RNF31: variants seen among roughly 807,000 people sequenced by gnomAD.
The protein encoded by RNF31 is ring finger protein 31.
A neutral mutation model predicts 133.6 loss-of-function variants in RNF31; 38 were observed. That is an observed-to-expected ratio of 0.28 (90% CI 0.22 to 0.37). The LOEUF is 0.37. Among genes scored for constraint, RNF31 ranks in the 10% least tolerant of loss-of-function variants. RNF31 has a pLI of 1.00. For synonymous variants in RNF31, 582 were observed against 552.3 expected (o/e 1.05, Z -0.75); for missense variants, 1,118 against 1,394.1 (o/e 0.80, Z 3.15).
At chr14:24,149,979 C>T (rs1302385274) in intron 6 of RNF31, 82 bp from the exon 7 acceptor site, 4 of 1,475,006 alleles carry the variant, frequency 2.7e-6, no homozygotes, top group Non-Finnish European at 3.6e-6. Context: ...AGTTGTTACC[C>T]AGGAAATGGA....
rs759265396 is a variant in RNF31, at chr14:24,160,280, A to G, written c.3038A>G (p.His1013Arg). The change falls in exon 20 of 21, where the codon CAC becomes CGC. Residue 1013 changes from histidine (H) to arginine (R), a missense_variant. Transcript: ENST00000324103. The surrounding 1 kb of genome is among the most constrained non-coding windows in gnomAD (Gnocchi z 4.0). ...KEYLVSLINA[H>R]SLDPATLYEV... ...TATCTTGTGAGCCTCATCAATGCCC[A>G]CTCGCTGGACCCAGCCACCTTGTAT... 1 of 1,613,906 alleles carries G rather than the reference A, an allele frequency of 6.2e-7. No homozygotes were observed. Among genetic ancestry groups the G allele is most frequent in the East Asian group, 2.2e-5 (1 of 44,896 alleles).
chr14:24,151,307 G>T lies in RNF31; in HGVS notation c.1665G>T (p.Arg555=). The T allele has an allele frequency of 6.2e-7, 1 of 1,614,250 alleles. No homozygotes were observed. The highest frequency in any genetic ancestry group is 8.5e-7 in the Non-Finnish European group (1 of 1,180,040). Residue 555 remains arginine, a synonymous_variant, in exon 9 of 21, where the codon CGG becomes CGT. Coordinates refer to ENST00000324103, the MANE Select transcript of RNF31 (RefSeq NM_017999.5). The surrounding 1 kb of genome is among the most constrained non-coding windows in gnomAD (Gnocchi z 5.3). ...GLGAFSCQEA[R]RAWLDRHGNL... is the part of the protein sequence containing the mutation. ...GTGCCTTTTCCTGTCAGGAGGCCCG[G>T]AGAGCCTGGCTGGATCGTCATGGCA...
In RNF31 at chr14:24,151,412, A is replaced by T. The variant is rs1340464441; in HGVS notation, c.1737+33A>T. ...CTGTGCTGGATATGGGATAGGGTCG[A>T]GAGTCTGCATCTCTCACACTCTCCC... On this transcript the variant is annotated intron_variant, in intron 9 of 20. Transcript: ENST00000324103. The surrounding 1 kb of genome is among the most constrained non-coding windows in gnomAD (Gnocchi z 5.3). The T allele has an allele frequency of 3.1e-6, 5 of 1,613,416 alleles. No individual in the cohort carries two copies. The African/African-American group carries it at 6.7e-5, about 22-fold the overall frequency.
In RNF31 at chr14:24,150,224, C is replaced by A. The variant is rs375860323; in HGVS notation, c.973C>A (p.Arg325=). Residue 325 remains arginine, a synonymous_variant, in exon 7 of 21, where the codon CGG becomes AGG. Transcript: ENST00000324103. The stretch of plus-strand genomic sequence containing the variant: ...GGCAGTGCTCTGTGTGGCCTGTGAT[C>A]GGCCCCGAGGCTGTAAGGGGTTGGG... The part of the protein sequence containing the change: ...PWAVLCVACD[R]PRGCKGLGLG... The A allele has an allele frequency of 9.0e-5, 145 of 1,614,066 alleles. 2 individuals carry two copies. The South Asian group carries it at 1.4e-3, about 15-fold the overall frequency.
At chr14:24,148,563 T>C in intron 3 of RNF31, 79 bp from the exon 4 acceptor site, 1 of 1,586,196 alleles carries the variant, frequency 6.3e-7, no homozygotes, top group African/African-American at 1.3e-5. Flanking sequence ...CTTCTGTGAA[T>C]GTTAAGGGAC....
Position 24,150,733 on chromosome 14 carries a change from C to T in RNF31, c.1333C>T (p.Pro445Ser). The change falls in exon 8 of 21, where the codon CCC (proline) becomes TCC (serine). Residue 445 changes from proline (P) to serine (S), a missense_variant. This residue lies in a region of RNF31 where 747 missense variants were observed against 827.9 expected (regional missense o/e 0.90). Transcript: ENST00000324103. Reference sequence around the variant, plus strand: ...TAGCCCCATTCCAGCACAACATGCCCCCCGGCCCTATGCCAGCTCTTTGGA... The same window carrying T: ...TAGCCCCATTCCAGCACAACATGCCTCCCGGCCCTATGCCAGCTCTTTGGA... ...TSSPIPAQHA[P>S]RPYASSLEKG... The T allele has an allele frequency of 3.1e-6, 5 of 1,613,054 alleles. No individual in the cohort carries two copies. The highest frequency in any genetic ancestry group is 1.1e-5 in the South Asian group (1 of 90,998).
At position 24,150,143 on chromosome 14, in the gene RNF31, G is replaced by A; in HGVS notation, c.892G>A (p.Ala298Thr). Residue 298 changes from alanine to threonine, a missense_variant, in exon 7 of 21, where the codon GCA becomes ACA. Around this residue, in one of 3 missense-constraint regions of RNF31, gnomAD observed 747 missense variants for 827.9 expected, o/e 0.90. Transcript: ENST00000324103. The stretch of plus-strand genomic sequence containing the variant: ...CAGCTCTCTTTCTTCCCCTAATCCT[G>A]CAAGTGCTCATTTGCCCTGGCACTG... ...GDSSLSSPNP[A>T]SAHLPWHCAA... 3 of 1,612,934 alleles carry A rather than the reference G, an allele frequency of 1.9e-6. No individual in the cohort carries two copies. The South Asian group carries it at 3.3e-5, about 18-fold the overall frequency.
At chr14:24,159,436 G>C (rs1053457978) in intron 18 of RNF31, among the ~76,000 whole-genome samples, 7 of 151,750 alleles carry the variant, frequency 4.6e-5, no homozygotes. Context: ...ACTTTGGGAG[G>C]CTAAGGCAAG....
chr14:24,148,890 TAAATTG>T lies in RNF31; in HGVS notation c.631+15_631+20del. ...CCTCTGTCCCAGGTATTATTGGTCC[TAAATTG>T]GGGACCAGGTAGGAAGCTATATTGA... On this transcript the variant is annotated intron_variant, in intron 5 of 20. Coordinates refer to ENST00000324103, the MANE Select transcript of RNF31 (RefSeq NM_017999.5). 1 of 1,604,852 alleles carries T rather than the reference TAAATTG, an allele frequency of 6.2e-7. No individual in the cohort carries two copies. The highest frequency in any genetic ancestry group is 8.5e-7 in the Non-Finnish European group (1 of 1,171,536).
Position 24,149,934 on chromosome 14 carries a change from C to T in RNF31, c.810-127C>T, listed in dbSNP as rs182098129. 1,600 of 1,171,412 alleles carry T rather than the reference C, an allele frequency of 1.4e-3. 23 individuals carry two copies. Among genetic ancestry groups the T allele is most frequent in the Middle Eastern group, 3.5e-3 (17 of 4,896 alleles). The allele number at this position is 1,171,412 out of a possible 1,614,324, so 72.6% of individuals were successfully genotyped here. A position where few individuals can be genotyped will look rare whatever the true frequency, so the allele number is the denominator to read the frequency against. On this transcript the variant is annotated intron_variant, in intron 6 of 20. Transcript: ENST00000324103. ...CATAAGCTATGGGTATAGGAGTATT[C>T]GAGACAGACAATGTGTGCAAAGGCC...
rs568296094 is a variant in RNF31 at position 24,158,949 on chromosome 14, C to A, written c.2899+750C>A. Among the ~76,000 whole-genome samples, 6 of 143,538 alleles carry A rather than the reference C, an allele frequency of 4.2e-5. No homozygotes were observed. In the South Asian group the frequency reaches 1.3e-3, roughly 32 times the overall value. The allele number at this position is 143,538 out of a possible 152,430, so 94.2% of individuals were successfully genotyped here. A position where few individuals can be genotyped will look rare whatever the true frequency, so the allele number is the denominator to read the frequency against. On this transcript the variant is annotated intron_variant, in intron 18 of 20. Transcript: ENST00000324103. ...TCGGGAGGCTGAGGCAGGAGAATGGCATGAACCCGGGAGGCGGAGCTTGCA... is the reference window on the plus strand; with the variant it reads ...TCGGGAGGCTGAGGCAGGAGAATGGAATGAACCCGGGAGGCGGAGCTTGCA...
chr14:24,157,456 G>C (rs1594382874), intron 15 of RNF31, 52 bp downstream of exon 15: 2 of 1,602,780 alleles, frequency 1.2e-6, no homozygotes, highest in South Asian at 1.1e-5. Flanking sequence ...ATTGCCAGCA[G>C]CTCTCTTCCT....
intron 18 of RNF31, among the ~76,000 whole-genome samples, chr14:24,159,032 C>CAAAA (rs529900287): frequency 1.8e-5 from 1 of 54,430 alleles, no homozygotes; most frequent in Non-Finnish European, 3.3e-5. Flanking sequence ...GACTTCGTCT[C>CAAAA]AAAAAAAAAA....
chr14:24,149,662 C>A, intron 6 of RNF31, 79 bp downstream of exon 6: 2 of 1,419,866 alleles, frequency 1.4e-6, no homozygotes, highest in Non-Finnish European at 9.7e-7. Flanking sequence ...CTGCCAGTTT[C>A]TGTGCTAAAG....
intron 11 of RNF31, among the ~76,000 whole-genome samples, chr14:24,152,611 G>A (rs1372542291): frequency 1.3e-5 from 2 of 152,038 alleles, no homozygotes; most frequent in East Asian, 3.9e-4. Context: ...TAGAGACAGG[G>A]TTTCGCCATA....
At position 24,160,366 on chromosome 14, in the gene RNF31, G is replaced by A. The variant is rs1384019404; in HGVS notation, c.3124G>A (p.Ala1042Thr). 6.2e-7 allele frequency: 1 copy of A among 1,614,140 alleles called. No individual in the cohort carries two copies. The highest frequency in any genetic ancestry group is 1.7e-5 in the Admixed American group (1 of 60,018). The part of the protein sequence containing the change: ...RYLHVRPQPL[A>T]GEDPPAYQAR... ...CCTGCACGTACGCCCCCAGCCTTTG[G>A]CTGGAGAGGATCCCCCTGCTTACCA... is the stretch of plus-strand genomic sequence containing the variant. Residue 1042 changes from alanine to threonine, a missense_variant, in exon 20 of 21, where the codon GCT becomes ACT. By Grantham distance (58) the Ala-to-Thr change is moderately conservative (BLOSUM62 0). This residue lies in a region of RNF31 where 170 missense variants were observed against 194.5 expected (regional missense o/e 0.87). Transcript: ENST00000324103. The surrounding 1 kb of genome is among the most constrained non-coding windows in gnomAD (Gnocchi z 4.0).
intron 16 of RNF31, 50 bp from the exon 17 acceptor site, chr14:24,157,848 A>G: frequency 6.6e-7 from 1 of 1,513,172 alleles, no homozygotes; most frequent in South Asian, 1.1e-5. Flanking sequence ...CTGAGAGGCC[A>G]GGACCCCAAC....
At chr14:24,148,952 G>C (rs1333429163) in intron 5 of RNF31, 76 bp downstream of exon 5, 3 of 1,228,880 alleles carry the variant, frequency 2.4e-6, no homozygotes, top group Non-Finnish European at 3.6e-6. Flanking sequence ...CTGTCTTCTT[G>C]GTTATCTTCC....
rs182660590 is a variant in RNF31, at chr14:24,157,759, C to T, written c.2727+121C>T. ...GAGGTCAACGGGATGTAAAGCACAACTCTCTGTCCCCTTACCCTTTGCTTG... is the reference window on the plus strand; with the variant it reads ...GAGGTCAACGGGATGTAAAGCACAATTCTCTGTCCCCTTACCCTTTGCTTG... On this transcript the variant is annotated intron_variant, in intron 16 of 20. Transcript: ENST00000324103. The T allele has an allele frequency of 6.1e-4, 668 of 1,093,614 alleles. 3 individuals are homozygous for T. In the African/African-American group the frequency reaches 8.8e-3, roughly 14 times the overall value. The allele number at this position is 1,093,614 out of a possible 1,614,324, so 67.7% of individuals were successfully genotyped here.
Sources: allele counts gnomAD v4.1 joint callset (sites outside exome capture counted in the v4.1 genomes callset), GRCh38; gene constraint gnomAD v4.1.1; regional missense constraint gnomAD v4.1.1; non-coding constraint Gnocchi (gnomAD v3.1); transcripts MANE v1.5; gene names NCBI Gene and HGNC (gene_info 2026-07-23, HGNC 2026-07-21).